INTS7: variants seen among roughly 807,000 people sequenced by gnomAD.
The protein encoded by INTS7 is chromosome 1 open reading frame 73.
Under a neutral mutation model 109.2 loss-of-function variants are expected in INTS7, and 46 were observed. The observed-to-expected ratio is 0.42, with a 90% CI of 0.33 to 0.54. The LOEUF (loss-of-function observed/expected upper bound fraction) is 0.54, where lower values mean the gene tolerates loss of function less well. Among genes scored for constraint, INTS7 ranks in the 20% least tolerant of loss-of-function variants. The probability of loss-of-function intolerance (pLI) is 0.07; values close to 1 mark genes in which losing one functional copy is unlikely to be tolerated. For missense variants in INTS7, 929 were observed against 1,132.4 expected (o/e 0.82, Z 2.58); for synonymous variants, 412 against 402.9 (o/e 1.02, Z -0.27).
At chr1:212,023,437 C>T (rs1325867343) in intron 1 of INTS7, among the ~76,000 whole-genome samples, 1 of 152,074 alleles carries the variant, frequency 6.6e-6, no homozygotes, top group East Asian at 1.9e-4. Flanking sequence ...TCAATAATAG[C>T]CATTTTGACT....
intron 7 of INTS7, among the ~76,000 whole-genome samples, chr1:211,991,731 C>T (rs1200932731): frequency 6.6e-6 from 1 of 152,158 alleles, no homozygotes; most frequent in Non-Finnish European, 1.5e-5. Context: ...TTGTTGGAGG[C>T]CCTGCAAACT....
intron 2 of INTS7, 152 bp from the exon 3 acceptor site, chr1:212,020,420 C>G (rs1666637374): frequency 1.7e-6 from 1 of 604,928 alleles, no homozygotes; most frequent in East Asian, 3.0e-5. Flanking sequence ...AAAGTTTGTA[C>G]TTTAGGTGGA....
chr1:212,002,787 T>C (rs1468940971), intron 7 of INTS7, among the ~76,000 whole-genome samples: 1 of 152,254 alleles, frequency 6.6e-6, no homozygotes, highest in Non-Finnish European at 1.5e-5. Flanking sequence ...CTGACGTCTC[T>C]GCCTAGCGGA....
chr1:212,014,778 C>T (rs1287750058), intron 4 of INTS7, among the ~76,000 whole-genome samples: 2 of 152,152 alleles, frequency 1.3e-5, no homozygotes, highest in Non-Finnish European at 2.9e-5. Context: ...CTCCTGACCG[C>T]GAGTGATCTG....
At chr1:211,975,699 A>G (rs1166094771) in intron 12 of INTS7, among the ~76,000 whole-genome samples, 1 of 152,206 alleles carries the variant, frequency 6.6e-6, no homozygotes, top group African/African-American at 2.4e-5. Flanking sequence ...GTTATTCTAG[A>G]TGAACTATTT....
chr1:211,987,097 G>A (rs1023214624), intron 8 of INTS7, among the ~76,000 whole-genome samples: 1 of 152,136 alleles, frequency 6.6e-6, no homozygotes, highest in Non-Finnish European at 1.5e-5. Flanking sequence ...AGGAGTTTCA[G>A]ACCAGCTTGG....
chr1:211,964,675 ACAACCAT>A (rs1038071674), intron 16 of INTS7, among the ~76,000 whole-genome samples: 72 of 152,314 alleles, frequency 4.7e-4, no homozygotes, highest in African/African-American at 1.4e-3. Flanking sequence ...ACACACTCCT[ACAACCAT>A]CTGATCTTTG....
At chr1:211,973,253 G>A (rs1664259151) in intron 13 of INTS7, among the ~76,000 whole-genome samples, 1 of 152,090 alleles carries the variant, frequency 6.6e-6, no homozygotes, top group Non-Finnish European at 1.5e-5. Context: ...GCCTATGCCT[G>A]GACTTTTCTG....
intron 16 of INTS7, among the ~76,000 whole-genome samples, chr1:211,961,591 G>A (rs148772643): frequency 0.011 from 1,665 of 151,978 alleles, 29 homozygotes; most frequent in African/African-American, 0.037. Flanking sequence ...CACCATGCCC[G>A]GCTAATTTTG....
chr1:211,957,017 G>A (rs1278820415), intron 16 of INTS7, among the ~76,000 whole-genome samples: 1 of 152,136 alleles, frequency 6.6e-6, no homozygotes, highest in African/African-American at 2.4e-5. Flanking sequence ...TTTCCAAGTG[G>A]CTGTATCATT....
rs767236057 is a variant in INTS7, at chr1:211,978,473, C to G, written c.1269G>C (p.Arg423Ser). ...CAACTACTGACTGGCTAAGATGGGG[C>G]CTGCCCTTGGCCAACTTCACCATAC... The part of the protein sequence containing the change: ...LNCMVKLAKG[R>S]PHLSQSVVET... The change falls in exon 11 of 20, where the codon AGG becomes AGC. Residue 423 changes from arginine (R) to serine (S), a missense_variant. Transcript: ENST00000366994. 1 of 1,614,158 alleles carries G rather than the reference C, an allele frequency of 6.2e-7. No homozygotes were observed. The highest frequency in any genetic ancestry group is 1.7e-5 in the Admixed American group (1 of 59,998).
chr1:211,966,813 T>A (rs1333777106), intron 15 of INTS7, among the ~76,000 whole-genome samples: 2 of 151,918 alleles, frequency 1.3e-5, no homozygotes, highest in Non-Finnish European at 2.9e-5. Context: ...GGGTTTTTCA[T>A]AAGAGTTTGA....
intron 16 of INTS7, 93 bp from the exon 17 acceptor site, chr1:211,952,794 A>T: frequency 8.7e-7 from 1 of 1,145,108 alleles, no homozygotes; most frequent in Admixed American, 2.5e-5. Context: ...TTTTCATTTA[A>T]TTTTTAAAAT....
intron 16 of INTS7, among the ~76,000 whole-genome samples, chr1:211,955,110 T>C (rs1200539801): frequency 1.3e-5 from 2 of 152,230 alleles, no homozygotes. Flanking sequence ...GTCCTTCTTG[T>C]CCCTTGTAAG....
Position 212,017,033 on chromosome 1 carries a change from C to G in INTS7, c.372-10G>C, listed in dbSNP as rs186668008. 449 of 1,560,508 alleles carry G rather than the reference C, an allele frequency of 2.9e-4. 3 individuals are homozygous for G. In the East Asian group the frequency reaches 0.01, roughly 36 times the overall value. ...CAGACTTCCCAACATCCTACAGAAA[C>G]AGAGAAACCCAAGAAGATCGGGCAT... On this transcript the variant is annotated splice_polypyrimidine_tract_variant and intron_variant, in intron 3 of 19. Transcript: ENST00000366994.
At chr1:211,962,893 C>T (rs1348695839) in intron 16 of INTS7, among the ~76,000 whole-genome samples, 1 of 152,120 alleles carries the variant, frequency 6.6e-6, no homozygotes, top group African/African-American at 2.4e-5. Flanking sequence ...AGGAAATGTA[C>T]AGCACTAAAC....
intron 7 of INTS7, among the ~76,000 whole-genome samples, chr1:211,996,845 C>G (rs542137509): frequency 4.3e-4 from 66 of 151,796 alleles, no homozygotes; most frequent in Admixed American, 7.9e-4. Context: ...GACAAAATAG[C>G]GAGATCTCAC....
At chr1:212,009,460 G>C (rs182392704) in intron 5 of INTS7, among the ~76,000 whole-genome samples, 2 of 152,268 alleles carry the variant, frequency 1.3e-5, no homozygotes, top group East Asian at 3.9e-4. Context: ...AGGAGTTGCA[G>C]AGAAGAATGA....
At chr1:212,027,949 G>A (rs1667002039) in intron 1 of INTS7, among the ~76,000 whole-genome samples, 1 of 152,012 alleles carries the variant, frequency 6.6e-6, no homozygotes, top group South Asian at 2.1e-4. Context: ...GACTCAGCCT[G>A]CCGAGTAGCT....
Sources: gnomAD v4.1 joint callset for allele counts (sites outside exome capture counted in the v4.1 genomes callset) on GRCh38, gnomAD v4.1.1 for gene constraint, MANE v1.5 for transcripts, NCBI Gene and HGNC (gene_info 2026-07-23, HGNC 2026-07-21) for gene names.